CNTN5: variants seen among roughly 807,000 people sequenced by gnomAD.
The protein encoded by CNTN5 is contactin-5.
In CNTN5, 77 loss-of-function variants were observed where a neutral mutation model predicts 129.1. The ratio of observed to expected loss-of-function variants is 0.60; its 90% CI spans 0.50 to 0.72. The LOEUF is 0.72. Among genes scored for constraint, CNTN5 ranks in the 30% least tolerant of loss-of-function variants. The pLI, the probability that CNTN5 is intolerant of heterozygous loss-of-function variation, is 0.00. For missense variants in CNTN5, 1,478 were observed against 1,328.8 expected (o/e 1.11, Z -1.75); for synonymous variants, 509 against 465.6 (o/e 1.09, Z -1.20).
In CNTN5 at chr11:99,956,983, C is replaced by T. The variant is rs1264345821; in HGVS notation, c.851C>T (p.Pro284Leu). Residue 284 changes from proline to leucine, a missense_variant, in exon 8 of 25, where the codon CCA (proline) becomes CTA (leucine). Transcript: ENST00000524871. ...ACGAATGCTAGAGTCCTTAGTCCTC[C>T]AACGCCACTCACTCTGCGTAATGAT... is the stretch of plus-strand genomic sequence containing the variant. ...TVTNARVLSPPTPLTLRNDGV... is the reference protein window; with the variant it reads ...TVTNARVLSPLTPLTLRNDGV... 2 of 1,613,586 alleles carry T rather than the reference C, an allele frequency of 1.2e-6. No individual in the cohort carries two copies. The highest frequency in any genetic ancestry group is 2.7e-5 in the African/African-American group (2 of 74,908).
chr11:99,227,725 C>A (rs962889987), intron 1 of CNTN5, among the ~76,000 whole-genome samples: 6 of 152,088 alleles, frequency 3.9e-5, no homozygotes, highest in African/African-American at 1.2e-4. Context: ...TAAAAAGGTA[C>A]TTTTCTTCCA....
chr11:99,518,962 C>G (rs1227476071), intron 2 of CNTN5, among the ~76,000 whole-genome samples: 5 of 152,058 alleles, frequency 3.3e-5, no homozygotes, highest in African/African-American at 1.2e-4. Flanking sequence ...TTCTTCATAC[C>G]TCATCCAGAG....
chr11:100,167,271 T>C (rs920743947), intron 13 of CNTN5, among the ~76,000 whole-genome samples: 1 of 151,714 alleles, frequency 6.6e-6, no homozygotes, highest in Non-Finnish European at 1.5e-5. Flanking sequence ...GTGTGTAAGA[T>C]ACTGTGTGTA....
chr11:99,304,182 C>A (rs560523246), intron 1 of CNTN5, among the ~76,000 whole-genome samples: 1 of 152,204 alleles, frequency 6.6e-6, no homozygotes, highest in East Asian at 1.9e-4. Flanking sequence ...AGTGCCCTAA[C>A]GTTCTTCACA....
At chr11:100,107,061 A>G (rs1385584550) in intron 13 of CNTN5, among the ~76,000 whole-genome samples, 1 of 152,156 alleles carries the variant, frequency 6.6e-6, no homozygotes, top group African/African-American at 2.4e-5. Context: ...ATTAACTCAG[A>G]TTTAGTAGAT....
chr11:99,726,256 G>A (rs532496439), intron 3 of CNTN5, among the ~76,000 whole-genome samples: 1 of 152,320 alleles, frequency 6.6e-6, no homozygotes, highest in South Asian at 2.1e-4. Flanking sequence ...ACTTGTCTGG[G>A]AGATCTGATG....
chr11:99,650,702 TCTA>T (rs1467491930), intron 3 of CNTN5, among the ~76,000 whole-genome samples: 2 of 151,940 alleles, frequency 1.3e-5, no homozygotes, highest in Non-Finnish European at 2.9e-5. Flanking sequence ...GTGTGATCCT[TCTA>T]CTACAAATGA....
chr11:99,955,973 C>T (rs920053544), intron 7 of CNTN5, among the ~76,000 whole-genome samples: 1 of 152,052 alleles, frequency 6.6e-6, no homozygotes, highest in African/African-American at 2.4e-5. Context: ...ATTTAAGTAT[C>T]CATTATTCCT....
At chr11:100,068,354 G>A (rs1373656071) in intron 10 of CNTN5, among the ~76,000 whole-genome samples, 2 of 152,210 alleles carry the variant, frequency 1.3e-5, no homozygotes, top group East Asian at 3.9e-4. Context: ...TCTTCTTTGA[G>A]GCTGTGATTA....
At chr11:99,828,985 A>G (rs1947054864) in intron 4 of CNTN5, among the ~76,000 whole-genome samples, 1 of 152,116 alleles carries the variant, frequency 6.6e-6, no homozygotes, top group South Asian at 2.1e-4. Flanking sequence ...ATTATTTATC[A>G]TAGTAGTTAG....
intron 3 of CNTN5, among the ~76,000 whole-genome samples, chr11:99,599,669 C>T (rs1267920417): frequency 6.6e-6 from 1 of 152,054 alleles, no homozygotes; most frequent in Admixed American, 6.6e-5. Context: ...ACATCCAGAC[C>T]AAATTCTTTG....
At chr11:100,260,064 G>A (rs911761104) in intron 17 of CNTN5, among the ~76,000 whole-genome samples, 1 of 151,862 alleles carries the variant, frequency 6.6e-6, no homozygotes, top group Non-Finnish European at 1.5e-5. Flanking sequence ...TAATAAAGAA[G>A]AAAAGAGAGA....
intron 21 of CNTN5, among the ~76,000 whole-genome samples, chr11:100,328,416 T>C (rs1403454940): frequency 6.6e-6 from 1 of 152,044 alleles, no homozygotes; most frequent in African/African-American, 2.4e-5. Context: ...TACCTGAGAC[T>C]GGGTAATTGA....
intron 3 of CNTN5, among the ~76,000 whole-genome samples, chr11:99,770,132 TC>T (rs1944895360): frequency 6.6e-6 from 1 of 152,172 alleles, no homozygotes; most frequent in South Asian, 2.1e-4. Context: ...TTGAATTTGT[TC>T]TTTATTTTCT....
At chr11:99,844,527 ATAT>A in intron 4 of CNTN5, 2 of 342,400 alleles carry the variant, frequency 5.8e-6, no homozygotes, top group South Asian at 4.7e-5. Flanking sequence ...GTTTTTTAAG[ATAT>A]TGTTTATGCT....
intron 2 of CNTN5, among the ~76,000 whole-genome samples, chr11:99,512,846 A>G (rs774276486): frequency 2.7e-4 from 41 of 152,276 alleles, no homozygotes; most frequent in Non-Finnish European, 5.3e-4. Context: ...GAGACACAAC[A>G]GTATTGAAAT....
chr11:99,252,459 A>G (rs1591423974), intron 1 of CNTN5, among the ~76,000 whole-genome samples: 2 of 151,782 alleles, frequency 1.3e-5, no homozygotes, highest in African/African-American at 2.4e-5. Flanking sequence ...TTTATCTTAT[A>G]TATAACTAAA....
At chr11:99,508,294 A>C (rs577380256) in intron 2 of CNTN5, among the ~76,000 whole-genome samples, 61 of 152,320 alleles carry the variant, frequency 4.0e-4, no homozygotes, top group African/African-American at 1.4e-3. Context: ...ACATATGTTA[A>C]GCGCCTGCCT....
intron 9 of CNTN5, among the ~76,000 whole-genome samples, chr11:100,015,003 G>A (rs1295663214): frequency 6.6e-6 from 1 of 152,006 alleles, no homozygotes; most frequent in African/African-American, 2.4e-5. Flanking sequence ...AAATATCTTT[G>A]ACTCTTTCTT....
Sources: allele counts gnomAD v4.1 joint callset (sites outside exome capture counted in the v4.1 genomes callset), GRCh38; gene constraint gnomAD v4.1.1; transcripts MANE v1.5; gene names NCBI Gene and HGNC (gene_info 2026-07-23, HGNC 2026-07-21).